HK2: variants seen among roughly 807,000 people sequenced by gnomAD.
HK2 encodes the protein hexokinase-2.
A neutral mutation model predicts 92.9 loss-of-function variants in HK2; 42 were observed. The ratio of observed to expected loss-of-function variants is 0.45; its 90% CI spans 0.35 to 0.58. The LOEUF is 0.58. Ranked by LOEUF, HK2 falls within the 20% of genes least tolerant of loss-of-function variation. The probability of loss-of-function intolerance (pLI) is 0.00; values close to 1 mark genes in which losing one functional copy is unlikely to be tolerated. For synonymous variants in HK2, 422 were observed against 468.0 expected (o/e 0.90, Z 1.27); for missense variants, 978 against 1,245.1 (o/e 0.79, Z 3.23).
intron 1 of HK2, among the ~76,000 whole-genome samples, chr2:74,850,535 G>C (rs1427503844): frequency 6.6e-6 from 1 of 152,072 alleles, no homozygotes; most frequent in Non-Finnish European, 1.5e-5. Flanking sequence ...GTTACCCTAA[G>C]GGCCTTTCCT....
intron 1 of HK2, among the ~76,000 whole-genome samples, chr2:74,842,221 A>G (rs188373561): frequency 6.6e-6 from 1 of 152,192 alleles, no homozygotes; most frequent in Admixed American, 6.5e-5. Flanking sequence ...TTGGTACTTA[A>G]CAATGGTTCA....
rs1689705643 is a variant in HK2 at position 74,892,528 on chromosome 2, T to C, written c.*1587T>C. On this transcript the variant is annotated 3_prime_UTR_variant, in exon 18 of 18. Transcript: ENST00000290573. ...GGCTTAAAAACTTCCATCCCTACTTTTCAAGAGTGCAGTTGATTCTGAATC... is the reference window on the plus strand; with the variant it reads ...GGCTTAAAAACTTCCATCCCTACTTCTCAAGAGTGCAGTTGATTCTGAATC... 6.6e-6 allele frequency: 1 copy of C among 152,192 alleles called. No individual in the cohort carries two copies. The highest frequency in any genetic ancestry group is 6.5e-5 in the Admixed American group (1 of 15,280). The allele number at this position is 152,192 out of a possible 1,614,324, so 9.4% of individuals were successfully genotyped here.
At position 74,834,571 on chromosome 2, in the gene HK2, C is replaced by G. The variant is rs1359865550; in HGVS notation, c.-10C>G. 3.1e-6 allele frequency: 5 copies of G among 1,613,838 alleles called. No homozygotes were observed. The highest frequency in any genetic ancestry group is 3.3e-4 in the Middle Eastern group (2 of 6,062). ...GGTTTCCCAACTCTGCGCCGTCGGGCCGCGGCAGGATGATTGCCTCGCATC... is the reference window on the plus strand; with the variant it reads ...GGTTTCCCAACTCTGCGCCGTCGGGGCGCGGCAGGATGATTGCCTCGCATC... On this transcript the variant is annotated 5_prime_UTR_variant, in exon 1 of 18. Coordinates refer to ENST00000290573, the MANE Select transcript of HK2 (RefSeq NM_000189.5). The surrounding 1 kb of genome is among the most constrained non-coding windows in gnomAD (Gnocchi z 4.2).
At position 74,891,647 on chromosome 2, in the gene HK2, T is replaced by C. The variant is rs767799816; in HGVS notation, c.*706T>C. ...GGGCGCACATGTTATCCACAAGCAA[T>C]GGACCTTTGGGGAAGGGGGAGTTTT... On this transcript the variant is annotated 3_prime_UTR_variant, in exon 18 of 18. Coordinates refer to ENST00000290573, the MANE Select transcript of HK2 (RefSeq NM_000189.5). The C allele has an allele frequency of 1.2e-4, 18 of 152,190 alleles. No homozygotes were observed. The highest frequency in any genetic ancestry group is 2.4e-4 in the Non-Finnish European group (16 of 68,032). 9.4% of individuals were successfully genotyped at this position (152,190 alleles called of 1,614,324 possible).
At chr2:74,877,991 A>C (rs1689275794) in intron 8 of HK2, among the ~76,000 whole-genome samples, 1 of 152,214 alleles carries the variant, frequency 6.6e-6, no homozygotes, top group African/African-American at 2.4e-5. Flanking sequence ...GCAGTGGAAC[A>C]GTGCCAATGA....
chr2:74,871,896 T>C (rs927513272), intron 3 of HK2, among the ~76,000 whole-genome samples: 3 of 152,180 alleles, frequency 2.0e-5, no homozygotes, highest in African/African-American at 7.2e-5. Flanking sequence ...TTTGGTATGA[T>C]CGTCAACTGG....
chr2:74,879,735 G>GTTGTCTTTAGCTGTGCAGA (rs1689335674), intron 9 of HK2, among the ~76,000 whole-genome samples: 1 of 152,208 alleles, frequency 6.6e-6, no homozygotes, highest in Non-Finnish European at 1.5e-5. Flanking sequence ...GGCTGAACAC[G>GTTGTCTTTAGCTGTGCAGA]TTGTCTTTAG....
At chr2:74,878,951 G>A (rs368940610) in intron 9 of HK2, 30 bp downstream of exon 9, 11 of 1,509,590 alleles carry the variant, frequency 7.3e-6, no homozygotes, top group African/African-American at 5.5e-5. Flanking sequence ...CTGGAGATGC[G>A]GAGTTCCTGG....
At position 74,849,778 on chromosome 2, in the gene HK2, C is replaced by T. The variant is rs576098016; in HGVS notation, c.64-4515C>T. Among the ~76,000 whole-genome samples the T allele has an allele frequency of 2.0e-5, 3 of 152,304 alleles. No individual in the cohort carries two copies. The East Asian group carries it at 5.8e-4, about 29-fold the overall frequency. On this transcript the variant is annotated intron_variant, in intron 1 of 17. Transcript: ENST00000290573. ...GACTCTGTCATGTGGGGCTATTCAT[C>T]CTGTTTTGTGGCAAGGAAGCTGGGG...
At position 74,834,509 on chromosome 2, in the gene HK2, A is replaced by G; in HGVS notation, c.-72A>G. The G allele has an allele frequency of 4.0e-6, 6 of 1,491,858 alleles. No homozygotes were observed. The highest frequency in any genetic ancestry group is 5.6e-6 in the Non-Finnish European group (6 of 1,071,502). 92.4% of individuals were successfully genotyped at this position (1,491,858 alleles called of 1,614,324 possible). A position where few individuals can be genotyped will look rare whatever the true frequency, so the allele number is the denominator to read the frequency against. On this transcript the variant is annotated 5_prime_UTR_variant, in exon 1 of 18. Transcript: ENST00000290573. This position sits in a 1 kb window ranked among gnomAD's most constrained non-coding sequence, Gnocchi z 4.2. ...CCGAGCCCCAGCACAAAGCAGTCGG[A>G]CCGCGCCGCCCGCCTCCCCTCTCGC...
In HK2 at chr2:74,887,943, GTCCGTAACATTC is replaced by G; in HGVS notation, c.2263_2274del (p.Arg755_Leu758del). On this transcript the variant is annotated inframe_deletion, in exon 16 of 18. Transcript: ENST00000290573. ...CAGTGGAATGTACCTGGGTGAGATT[GTCCGTAACATTC>G]TCATCGATTTCACCAAGCGTGGACT... 6.2e-7 allele frequency: 1 copy of G among 1,614,092 alleles called. No individual in the cohort carries two copies. The highest frequency in any genetic ancestry group is 8.5e-7 in the Non-Finnish European group (1 of 1,179,986).
At chr2:74,852,659 C>A (rs1688597807) in intron 1 of HK2, among the ~76,000 whole-genome samples, 1 of 151,850 alleles carries the variant, frequency 6.6e-6, no homozygotes, top group Admixed American at 6.6e-5. Context: ...TATAGCAAGA[C>A]CCTGTCTCAA....
intron 2 of HK2, among the ~76,000 whole-genome samples, chr2:74,864,352 CTTATAG>C (rs1476652454): frequency 6.6e-6 from 1 of 152,210 alleles, no homozygotes; most frequent in South Asian, 2.1e-4. Context: ...TTAATGCCAA[CTTATAG>C]TTATACCAAA....
intron 1 of HK2, among the ~76,000 whole-genome samples, chr2:74,844,499 G>T (rs1031164339): frequency 1.3e-5 from 2 of 152,200 alleles, no homozygotes; most frequent in African/African-American, 4.8e-5. Context: ...GATTGTCTTG[G>T]GTAAGCAGGG....
chr2:74,844,155 C>T (rs1230367987), intron 1 of HK2, among the ~76,000 whole-genome samples: 1 of 152,192 alleles, frequency 6.6e-6, no homozygotes, highest in Admixed American at 6.5e-5. Flanking sequence ...AGTCAGGTAT[C>T]AGCTGGGAAG....
chr2:74,872,544 C>T lies in HK2; in HGVS notation c.495+125C>T. 7 of 1,277,130 alleles carry T rather than the reference C, an allele frequency of 5.5e-6. 1 individual carries two copies. The highest frequency in any genetic ancestry group is 2.4e-5 in the South Asian group (2 of 83,630). The allele number at this position is 1,277,130 out of a possible 1,614,324, so 79.1% of individuals were successfully genotyped here. A position where few individuals can be genotyped will look rare whatever the true frequency, so the allele number is the denominator to read the frequency against. On this transcript the variant is annotated intron_variant, in intron 4 of 17. Transcript: ENST00000290573. The stretch of plus-strand genomic sequence containing the variant: ...GAGGATTGTGGAGATGAAGTTCTGC[C>T]TTTCTGGGTGACTGTGTATGTCGAT...
chr2:74,883,838 A>C (rs147675062), intron 12 of HK2, among the ~76,000 whole-genome samples: 1 of 152,352 alleles, frequency 6.6e-6, no homozygotes, highest in African/African-American at 2.4e-5. Flanking sequence ...GAATAGTGAG[A>C]TAGTAGTTAA....
chr2:74,887,926 T>A lies in HK2; in HGVS notation c.2243T>A (p.Met748Lys). 6.2e-7 allele frequency: 1 copy of A among 1,614,054 alleles called. No homozygotes were observed. Among genetic ancestry groups the A allele is most frequent in the Non-Finnish European group, 8.5e-7 (1 of 1,180,020 alleles). ...KQRFEKMISG[M>K]YLGEIVRNIL... ...AGGTTCGAGAAAATGATCAGTGGAA[T>A]GTACCTGGGTGAGATTGTCCGTAAC... Residue 748 changes from methionine (M) to lysine (K), a missense_variant, in exon 16 of 18, where the codon ATG becomes AAG. Coordinates refer to ENST00000290573, the MANE Select transcript of HK2 (RefSeq NM_000189.5).
In HK2 at chr2:74,880,231, A is replaced by T. The variant is rs768044019; in HGVS notation, c.1266-34A>T. 1.9e-6 allele frequency: 3 copies of T among 1,612,444 alleles called. No homozygotes were observed. In the South Asian group the frequency reaches 3.3e-5, roughly 18 times the overall value. On this transcript the variant is annotated intron_variant, in intron 9 of 17. Transcript: ENST00000290573. ...TTTGCACCATTGACCCTAACCATGG[A>T]CACCTGTCTCTTACCCGCCCTGGGG...
Sources: allele counts gnomAD v4.1 joint callset (sites outside exome capture counted in the v4.1 genomes callset), GRCh38; gene constraint gnomAD v4.1.1; non-coding constraint Gnocchi (gnomAD v3.1); transcripts MANE v1.5; gene names NCBI Gene and HGNC (gene_info 2026-07-23, HGNC 2026-07-21).